MARCHF1: variants seen among roughly 807,000 people sequenced by gnomAD.
MARCHF1 encodes E3 ubiquitin-protein ligase MARCHF1.
A neutral mutation model predicts 54.2 loss-of-function variants in MARCHF1; 40 were observed. The ratio of observed to expected loss-of-function variants is 0.74; its 90% CI spans 0.57 to 0.96. The LOEUF is 0.96. Among genes scored for constraint, MARCHF1 ranks in the 40% least tolerant of loss-of-function variants. The probability of loss-of-function intolerance (pLI) is 0.00; values close to 1 mark genes in which losing one functional copy is unlikely to be tolerated. For synonymous variants in MARCHF1, 236 were observed against 236.3 expected (o/e 1.00, Z 0.01); for missense variants, 586 against 656.5 (o/e 0.89, Z 1.17).
intron 1 of MARCHF1, among the ~76,000 whole-genome samples, chr4:164,316,586 A>G (rs1735004615): frequency 1.3e-5 from 2 of 152,254 alleles, no homozygotes. Flanking sequence ...CCACTGAAGC[A>G]GAAATGACAA....
intron 4 of MARCHF1, among the ~76,000 whole-genome samples, chr4:163,739,436 C>T (rs187846050): frequency 2.6e-5 from 4 of 152,252 alleles, no homozygotes; most frequent in East Asian, 1.9e-4. Context: ...ACGACATCCC[C>T]GCTTTTGACA....
At chr4:164,324,397 T>G (rs551648299) in intron 1 of MARCHF1, among the ~76,000 whole-genome samples, 79 of 151,858 alleles carry the variant, frequency 5.2e-4, no homozygotes, top group African/African-American at 1.9e-3. Flanking sequence ...TATTGAACAT[T>G]GATGTGAAGA....
chr4:164,337,651 A>G (rs992714338), intron 1 of MARCHF1, among the ~76,000 whole-genome samples: 2 of 152,232 alleles, frequency 1.3e-5, no homozygotes, highest in African/African-American at 4.8e-5. Flanking sequence ...TAGCCTACAG[A>G]CACCCTCAAT....
chr4:164,023,281 AG>A (rs1753702971), intron 2 of MARCHF1, among the ~76,000 whole-genome samples: 1 of 152,172 alleles, frequency 6.6e-6, no homozygotes, highest in Non-Finnish European at 1.5e-5. Context: ...CAGTGACTGA[AG>A]GGGGCTCCTC....
intron 5 of MARCHF1, among the ~76,000 whole-genome samples, chr4:163,626,511 A>T (rs1741876407): frequency 6.6e-6 from 1 of 152,232 alleles, no homozygotes; most frequent in Non-Finnish European, 1.5e-5. Context: ...TCTGTAAAGA[A>T]TGATTTTAGA....
intron 2 of MARCHF1, among the ~76,000 whole-genome samples, chr4:164,012,023 C>G (rs910682332): frequency 6.6e-6 from 1 of 152,182 alleles, no homozygotes; most frequent in Non-Finnish European, 1.5e-5. Flanking sequence ...CACATCTAGA[C>G]CAGCCCTGGG....
chr4:163,657,559 A>G lies in MARCHF1; in HGVS notation c.162+43254T>C, dbSNP rs112826234. The stretch of plus-strand genomic sequence containing the variant: ...TTCTTCACAGAATTAGAAAAAAGCT[A>G]CTTTAAAATTCATATGGAATCAAAA... On this transcript the variant is annotated intron_variant, in intron 5 of 9. Transcript: ENST00000514618. Among the ~76,000 whole-genome samples the G allele has an allele frequency of 6.2e-4, 94 of 152,218 alleles. 1 individual carries two copies. The highest frequency in any genetic ancestry group is 2.0e-3 in the African/African-American group (85 of 41,546).
intron 5 of MARCHF1, among the ~76,000 whole-genome samples, chr4:163,620,551 A>G (rs1006992094): frequency 2.0e-5 from 3 of 149,958 alleles, no homozygotes; most frequent in Admixed American, 1.3e-4. Flanking sequence ...ATAAGCCATA[A>G]AAAGAATGAG....
intron 5 of MARCHF1, among the ~76,000 whole-genome samples, chr4:163,622,131 T>C (rs1056689655): frequency 2.0e-5 from 3 of 151,604 alleles, no homozygotes; most frequent in African/African-American, 7.3e-5. Context: ...TAACCAGGGG[T>C]CACCAGAGTT....
intron 2 of MARCHF1, among the ~76,000 whole-genome samples, chr4:164,030,336 AT>A (rs1753851833): frequency 6.6e-6 from 1 of 152,176 alleles, no homozygotes; most frequent in South Asian, 2.1e-4. Context: ...GTCTTTTAAC[AT>A]TCAAAAATGA....
At chr4:164,027,118 G>T (rs893527642) in intron 2 of MARCHF1, among the ~76,000 whole-genome samples, 1 of 151,864 alleles carries the variant, frequency 6.6e-6, no homozygotes, top group Non-Finnish European at 1.5e-5. Context: ...CCATGCTCAT[G>T]GATTGGAAAA....
chr4:163,820,772 T>G (rs1025268228), intron 4 of MARCHF1, among the ~76,000 whole-genome samples: 1 of 151,992 alleles, frequency 6.6e-6, no homozygotes, highest in Non-Finnish European at 1.5e-5. Context: ...AATTTTCATA[T>G]GCAAACAATT....
chr4:164,374,569 T>A (rs896659525), intron 1 of MARCHF1, among the ~76,000 whole-genome samples: 1 of 152,128 alleles, frequency 6.6e-6, no homozygotes, highest in African/African-American at 2.4e-5. Context: ...AGAAATAGCA[T>A]CTATTATCAC....
chr4:163,922,776 T>A (rs1751459181), intron 3 of MARCHF1, among the ~76,000 whole-genome samples: 1 of 152,314 alleles, frequency 6.6e-6, no homozygotes, highest in East Asian at 1.9e-4. Flanking sequence ...AGATCTTCAC[T>A]GAACAAACAA....
At chr4:164,069,087 C>T (rs1754797052) in intron 2 of MARCHF1, among the ~76,000 whole-genome samples, 1 of 152,190 alleles carries the variant, frequency 6.6e-6, no homozygotes, top group Non-Finnish European at 1.5e-5. Flanking sequence ...AATCAGCACT[C>T]TGTGTCTAGC....
intron 1 of MARCHF1, among the ~76,000 whole-genome samples, chr4:164,359,083 A>G (rs1287501405): frequency 6.6e-6 from 1 of 152,180 alleles, no homozygotes; most frequent in Non-Finnish European, 1.5e-5. Flanking sequence ...GATTCAGAGT[A>G]AACATTTCTA....
intron 3 of MARCHF1, among the ~76,000 whole-genome samples, chr4:163,915,453 G>T (rs1199219503): frequency 6.6e-6 from 1 of 151,988 alleles, no homozygotes; most frequent in African/African-American, 2.4e-5. Flanking sequence ...AAAGCAAAAG[G>T]AGACATGAAA....
chr4:163,643,514 C>G (rs1294452839), intron 5 of MARCHF1, among the ~76,000 whole-genome samples: 1 of 151,928 alleles, frequency 6.6e-6, no homozygotes, highest in African/African-American at 2.4e-5. Context: ...CTGCATCCAG[C>G]TCCCTACATT....
intron 7 of MARCHF1, among the ~76,000 whole-genome samples, chr4:163,589,960 A>G (rs1740533055): frequency 6.6e-6 from 1 of 151,976 alleles, no homozygotes; most frequent in Admixed American, 6.6e-5. Flanking sequence ...GACTTTTACC[A>G]TTTATGACTG....
Sources: allele counts gnomAD v4.1 joint callset (sites outside exome capture counted in the v4.1 genomes callset), GRCh38; gene constraint gnomAD v4.1.1; transcripts MANE v1.5; gene names NCBI Gene and HGNC (gene_info 2026-07-23, HGNC 2026-07-21).